SCFD2: variants seen among roughly 807,000 people sequenced by gnomAD.
SCFD2 encodes sec1 family domain-containing protein 2.
SCFD2 carries 54 observed loss-of-function variants against 58.9 expected under a neutral mutation model. The observed-to-expected ratio is 0.92, with a 90% confidence interval of 0.74 to 1.15. The LOEUF (loss-of-function observed/expected upper bound fraction) is 1.15. Ranked by LOEUF, SCFD2 falls within the 50% of genes most tolerant of loss-of-function variation. The pLI is 0.00. For synonymous variants in SCFD2, 321 were observed against 335.9 expected, an observed-to-expected ratio of 0.96 and a Z score of 0.49; for missense variants, 805 against 836.6, an observed-to-expected ratio of 0.96 and a Z score of 0.47.
intron 4 of SCFD2, among the ~76,000 whole-genome samples, chr4:53,227,841 T>G (rs1050781434): frequency 6.6e-6 from 1 of 152,226 alleles, no homozygotes; most frequent in Non-Finnish European, 1.5e-5. Context: ...GATAAATGTA[T>G]GTACAGATGA....
chr4:53,074,916 A>G (rs1372337746), intron 5 of SCFD2, among the ~76,000 whole-genome samples: 1 of 152,178 alleles, frequency 6.6e-6, no homozygotes, highest in Non-Finnish European at 1.5e-5. Flanking sequence ...GAAAGTCACA[A>G]GCTGCATTAG....
In SCFD2 at chr4:53,060,610, C is replaced by A. The variant is rs74539154; in HGVS notation, c.1561+84723G>T. 9.2e-5 allele frequency among the ~76,000 whole-genome samples: 14 copies of A among 152,064 alleles called. No homozygotes were observed. In the East Asian group the frequency reaches 2.1e-3, roughly 23 times the overall value. Reference sequence around the variant, plus strand: ...ACCTTTGGTGTGATATCTCAACATACTGAATGCAAAAGGAGATAAGAGAAT... The same window carrying A: ...ACCTTTGGTGTGATATCTCAACATAATGAATGCAAAAGGAGATAAGAGAAT... On this transcript the variant is annotated intron_variant, in intron 5 of 8. Transcript: ENST00000401642.
intron 5 of SCFD2, among the ~76,000 whole-genome samples, chr4:53,062,956 T>C (rs1045295820): frequency 1.1e-4 from 16 of 152,168 alleles, no homozygotes; most frequent in African/African-American, 3.4e-4. Flanking sequence ...ACAAAAACAC[T>C]ATTACAAATG....
At chr4:53,140,185 C>T (rs1461746881) in intron 5 of SCFD2, among the ~76,000 whole-genome samples, 1 of 150,620 alleles carries the variant, frequency 6.6e-6, no homozygotes, top group African/African-American at 2.4e-5. Context: ...CTCCGAGAAA[C>T]ACCCAAGAAT....
chr4:53,254,932 G>T (rs1458589830), intron 4 of SCFD2, among the ~76,000 whole-genome samples: 2 of 148,784 alleles, frequency 1.3e-5, no homozygotes, highest in Admixed American at 1.3e-4. Flanking sequence ...GAGTGCAGTG[G>T]CGCAATCTTG....
At chr4:52,897,941 G>A (rs567429979) in intron 7 of SCFD2, among the ~76,000 whole-genome samples, 80 of 152,274 alleles carry the variant, frequency 5.3e-4, no homozygotes, top group Non-Finnish European at 8.2e-4. Context: ...GTTTATTTGC[G>A]CAGAGGTGTT....
intron 4 of SCFD2, among the ~76,000 whole-genome samples, chr4:53,251,555 C>T (rs1263511916): frequency 6.6e-6 from 1 of 152,114 alleles, no homozygotes; most frequent in Non-Finnish European, 1.5e-5. Flanking sequence ...GGGCTTCATC[C>T]CTGGGATGCA....
intron 5 of SCFD2, among the ~76,000 whole-genome samples, chr4:53,141,576 TTATATACA>T (rs1426636095): frequency 1.3e-5 from 2 of 152,150 alleles, no homozygotes; most frequent in African/African-American, 4.8e-5. Flanking sequence ...TTCAATGCTT[TTATATACA>T]TGTACAATGC....
intron 5 of SCFD2, among the ~76,000 whole-genome samples, chr4:52,959,674 C>T (rs1169339599): frequency 6.6e-6 from 1 of 152,138 alleles, no homozygotes; most frequent in Non-Finnish European, 1.5e-5. Flanking sequence ...CATTCCTCCT[C>T]CTCTAAAATG....
At chr4:53,040,051 T>A (rs1315542058) in intron 5 of SCFD2, among the ~76,000 whole-genome samples, 3 of 152,220 alleles carry the variant, frequency 2.0e-5, no homozygotes, top group Non-Finnish European at 2.9e-5. Context: ...GGCTTCATGC[T>A]ATTAACAAAT....
chr4:52,881,566 T>C (rs889244141), intron 8 of SCFD2, among the ~76,000 whole-genome samples: 1 of 152,220 alleles, frequency 6.6e-6, no homozygotes, highest in African/African-American at 2.4e-5. Flanking sequence ...GCTTTTTAGA[T>C]AGTCAATAAA....
chr4:53,167,806 T>A (rs953380886), intron 4 of SCFD2, among the ~76,000 whole-genome samples: 4 of 152,236 alleles, frequency 2.6e-5, no homozygotes, highest in Admixed American at 1.3e-4. Flanking sequence ...TTGCAATGTT[T>A]CTGCCCATGA....
At chr4:53,161,297 A>C (rs1301620549) in intron 4 of SCFD2, among the ~76,000 whole-genome samples, 1 of 152,206 alleles carries the variant, frequency 6.6e-6, no homozygotes, top group Non-Finnish European at 1.5e-5. Flanking sequence ...CTTCAATAAA[A>C]AGTTTTTAAA....
At chr4:53,352,475 C>G (rs1577996875) in intron 2 of SCFD2, 123 bp downstream of exon 2, 2 of 669,476 alleles carry the variant, frequency 3.0e-6, no homozygotes, top group South Asian at 6.1e-5. Context: ...TAAATGCTAC[C>G]CACTGTGAAA....
chr4:53,000,726 G>C (rs1721845264), intron 5 of SCFD2, among the ~76,000 whole-genome samples: 1 of 152,232 alleles, frequency 6.6e-6, no homozygotes, highest in Non-Finnish European at 1.5e-5. Context: ...CCAGCAGAGA[G>C]AAGCAAGAGT....
In SCFD2 at chr4:53,145,186, T is replaced by C; in HGVS notation, c.1561+147A>G. The C allele has an allele frequency of 3.1e-6, 3 of 956,618 alleles. No individual in the cohort carries two copies. In the South Asian group the frequency reaches 5.0e-5, roughly 16 times the overall value. 59.3% of individuals were successfully genotyped at this position (956,618 alleles called of 1,614,324 possible). ...CCAAAAATGTTGGGGACTGTTGCTA[T>C]AGGCTGGCTAGCATTCATCAGGCCT... On this transcript the variant is annotated intron_variant, in intron 5 of 8. Coordinates refer to ENST00000401642, the MANE Select transcript of SCFD2 (RefSeq NM_152540.4).
chr4:53,273,793 T>C (rs747361522), intron 4 of SCFD2, 33 bp downstream of exon 4: 2 of 1,563,136 alleles, frequency 1.3e-6, no homozygotes, highest in East Asian at 2.3e-5. Flanking sequence ...ACATTAATTA[T>C]TAAGATCCCA....
chr4:53,038,016 T>C (rs984962241), intron 5 of SCFD2, among the ~76,000 whole-genome samples: 4 of 152,144 alleles, frequency 2.6e-5, no homozygotes, highest in African/African-American at 9.7e-5. Flanking sequence ...TTATTAAGTC[T>C]GCATTCAGTG....
intron 4 of SCFD2, among the ~76,000 whole-genome samples, chr4:53,165,934 CAT>C (rs1333124492): frequency 1.3e-5 from 2 of 152,176 alleles, no homozygotes; most frequent in African/African-American, 4.8e-5. Context: ...ATATACATAA[CAT>C]AGAATTTGCT....
Sources: gnomAD v4.1 joint callset for allele counts (sites outside exome capture counted in the v4.1 genomes callset) on GRCh38, gnomAD v4.1.1 for gene constraint, MANE v1.5 for transcripts, NCBI Gene and HGNC (gene_info 2026-07-23, HGNC 2026-07-21) for gene names.